FBXL17: variants seen among roughly 807,000 people sequenced by gnomAD.
FBXL17 encodes the protein F-box and leucine rich repeat protein 17.
A neutral mutation model predicts 66.2 loss-of-function variants in FBXL17; 22 were observed. The ratio of observed to expected loss-of-function variants is 0.33; its 90% CI spans 0.24 to 0.47. The LOEUF (loss-of-function observed/expected upper bound fraction) is 0.47, where lower values mean the gene tolerates loss of function less well. Ranked by LOEUF, FBXL17 falls within the 20% of genes least tolerant of loss-of-function variation. The pLI is 1.00. For missense variants in FBXL17, 878 were observed against 948.2 expected, an observed-to-expected ratio of 0.93 and a Z score of 0.97; for synonymous variants, 474 against 400.5, an observed-to-expected ratio of 1.18 and a Z score of -2.19.
rs1554080847 is a variant in FBXL17, at chr5:107,871,069, A to AAAAAAAACAAAAAC, written c.1966-9210_1966-9209insGTTTTTGTTTTTTT. ...TACTCTTGGGCGGCAAAAAAAAAAAAAAAAAAAAAACCTCATCTAAAAATC... is the reference window on the plus strand; with the variant it reads ...TACTCTTGGGCGGCAAAAAAAAAAAAAAAAAAACAAAAACAAAAAAAAAACCTCATCTAAAAATC... On this transcript the variant is annotated intron_variant, in intron 8 of 8. Transcript: ENST00000542267. Among the ~76,000 whole-genome samples, 73 of 130,234 alleles carry AAAAAAAACAAAAAC rather than the reference A, an allele frequency of 5.6e-4. 1 individual carries two copies. The South Asian group carries it at 0.016, about 29-fold the overall frequency. The allele number at this position is 130,234 out of a possible 152,430, so 85.4% of individuals were successfully genotyped here. A position where few individuals can be genotyped will look rare whatever the true frequency, so the allele number is the denominator to read the frequency against.
chr5:108,130,290 C>T (rs1750880424), intron 6 of FBXL17, among the ~76,000 whole-genome samples: 1 of 151,540 alleles, frequency 6.6e-6, no homozygotes, highest in South Asian at 2.1e-4. Context: ...TAAATTCTAA[C>T]CCAAGAAGCA....
intron 6 of FBXL17, among the ~76,000 whole-genome samples, chr5:108,153,943 T>G (rs1751866008): frequency 6.6e-6 from 1 of 152,166 alleles, no homozygotes; most frequent in Non-Finnish European, 1.5e-5. Context: ...TTTTCCTTCT[T>G]GCAGGAAGTG....
intron 6 of FBXL17, among the ~76,000 whole-genome samples, chr5:108,055,709 A>G (rs1432742828): frequency 4.6e-5 from 7 of 152,010 alleles, no homozygotes; most frequent in Admixed American, 1.3e-4. Context: ...AATGAAAAAA[A>G]TGAATTTTTA....
intron 7 of FBXL17, among the ~76,000 whole-genome samples, chr5:108,014,070 T>C (rs1754284872): frequency 6.7e-6 from 1 of 149,110 alleles, no homozygotes; most frequent in Non-Finnish European, 1.5e-5. Context: ...GCTTAGTCTG[T>C]ATATCCAAGA....
At chr5:108,018,862 C>G (rs1198244780) in intron 7 of FBXL17, among the ~76,000 whole-genome samples, 1 of 152,086 alleles carries the variant, frequency 6.6e-6, no homozygotes, top group Non-Finnish European at 1.5e-5. Context: ...TGGTTGGGCC[C>G]CATTTCATAG....
chr5:108,322,327 C>T (rs188820939), intron 4 of FBXL17, among the ~76,000 whole-genome samples: 2 of 151,940 alleles, frequency 1.3e-5, no homozygotes, highest in African/African-American at 4.8e-5. Context: ...ATTAAGCTAC[C>T]TCCCAATTCT....
chr5:108,132,846 C>T (rs1255464571), intron 6 of FBXL17, among the ~76,000 whole-genome samples: 1 of 152,160 alleles, frequency 6.6e-6, no homozygotes, highest in Non-Finnish European at 1.5e-5. Context: ...CACCCACACT[C>T]CATATTTCTA....
rs34016857 is a variant in FBXL17, at chr5:108,205,083, A to ATT, written c.1615-18838_1615-18837dup. ...TGCCACCATGCCCAGCTAATTTCTA[A>ATT]TTTTTTTTTTAGAAACAGGGTTTGT... On this transcript the variant is annotated intron_variant, in intron 5 of 8. Transcript: ENST00000542267. 1.1e-3 allele frequency among the ~76,000 whole-genome samples: 165 copies of ATT among 149,664 alleles called. 1 individual carries two copies. The East Asian group carries it at 0.019, about 17-fold the overall frequency.
intron 5 of FBXL17, among the ~76,000 whole-genome samples, chr5:108,187,983 C>A (rs1753307276): frequency 6.6e-6 from 1 of 152,208 alleles, no homozygotes. Flanking sequence ...CTTGTACCTA[C>A]TGAGCACCTA....
At chr5:107,933,068 A>G (rs1750783993) in intron 7 of FBXL17, among the ~76,000 whole-genome samples, 1 of 152,178 alleles carries the variant, frequency 6.6e-6, no homozygotes. Context: ...AAGCTTGGCC[A>G]TGTCACTTTA....
intron 6 of FBXL17, among the ~76,000 whole-genome samples, chr5:108,021,595 T>C (rs1754604869): frequency 6.6e-6 from 1 of 151,752 alleles, no homozygotes; most frequent in Non-Finnish European, 1.5e-5. Context: ...TTTAGGCCAT[T>C]TTAACAATAT....
At chr5:108,305,934 T>G (rs958323297) in intron 4 of FBXL17, among the ~76,000 whole-genome samples, 2 of 152,068 alleles carry the variant, frequency 1.3e-5, no homozygotes, top group African/African-American at 4.8e-5. Context: ...TTTAAAAAAA[T>G]GCCAGTTTGG....
chr5:108,237,269 T>C (rs534398595), intron 4 of FBXL17, among the ~76,000 whole-genome samples: 2 of 152,344 alleles, frequency 1.3e-5, no homozygotes, highest in Admixed American at 1.3e-4. Context: ...TGTTAAGTGC[T>C]GATGCTGTAT....
At chr5:108,052,108 G>A (rs1170766621) in intron 6 of FBXL17, among the ~76,000 whole-genome samples, 8 of 80,178 alleles carry the variant, frequency 1.0e-4, no homozygotes, top group Middle Eastern at 0.011. Context: ...GTGAGACTTC[G>A]TCTCAAAAAA....
chr5:107,888,153 T>C (rs1185922445), intron 7 of FBXL17, among the ~76,000 whole-genome samples: 2 of 152,204 alleles, frequency 1.3e-5, no homozygotes, highest in African/African-American at 4.8e-5. Context: ...TTGCAATATT[T>C]TGTAAACATT....
chr5:108,337,451 C>CA (rs1213264976), intron 4 of FBXL17, among the ~76,000 whole-genome samples: 2 of 152,008 alleles, frequency 1.3e-5, no homozygotes, highest in African/African-American at 4.8e-5. Context: ...AACGTGTATG[C>CA]AAACGATCTC....
At chr5:107,975,786 C>G (rs1026448877) in intron 7 of FBXL17, among the ~76,000 whole-genome samples, 1 of 151,320 alleles carries the variant, frequency 6.6e-6, no homozygotes, top group East Asian at 1.9e-4. Flanking sequence ...GGAATCTAAA[C>G]CAATCTACAT....
intron 5 of FBXL17, among the ~76,000 whole-genome samples, chr5:108,223,137 C>T (rs770579986): frequency 1.3e-5 from 2 of 152,108 alleles, no homozygotes; most frequent in Admixed American, 1.3e-4. Context: ...GTTATAATGG[C>T]GCCCAGGGTC....
At chr5:108,178,815 T>C (rs566872155) in intron 6 of FBXL17, among the ~76,000 whole-genome samples, 2 of 152,340 alleles carry the variant, frequency 1.3e-5, no homozygotes, top group South Asian at 4.1e-4. Flanking sequence ...CAGGCTTTTA[T>C]GATAGAAAAT....
Sources: gnomAD v4.1 joint callset for allele counts (sites outside exome capture counted in the v4.1 genomes callset) on GRCh38, gnomAD v4.1.1 for gene constraint, MANE v1.5 for transcripts, NCBI Gene and HGNC (gene_info 2026-07-23, HGNC 2026-07-21) for gene names.